The following PCSK4 variants were observed in gnomAD, a reference collection of about 807,000 sequenced individuals.
The protein encoded by PCSK4 is testicular tissue protein Li 135.
Under a neutral mutation model 80.3 loss-of-function variants are expected in PCSK4, and 64 were observed. That is an observed-to-expected ratio of 0.80 (90% CI 0.65 to 0.98). The LOEUF (loss-of-function observed/expected upper bound fraction) is 0.98. Among genes scored for constraint, PCSK4 ranks in the 50% least tolerant of loss-of-function variants. The pLI is 0.00. For missense variants in PCSK4, 1,213 were observed against 1,093.6 expected, an observed-to-expected ratio of 1.11 and a Z score of -1.54; for synonymous variants, 561 against 487.6, an observed-to-expected ratio of 1.15 and a Z score of -1.98.
intron 8 of PCSK4, among the ~76,000 whole-genome samples, chr19:1,486,385 C>G (rs1338068670): frequency 6.6e-6 from 1 of 151,828 alleles, no homozygotes; most frequent in Admixed American, 6.6e-5. Context: ...CAAACCCTGC[C>G]TCCCGGGTTC....
rs201425168 is a variant in PCSK4 at position 1,488,107 on chromosome 19, G to A, written c.388-15C>T. The A allele has an allele frequency of 6.4e-4, 1,036 of 1,612,614 alleles. No individual in the cohort carries two copies. The highest frequency in any genetic ancestry group is 8.3e-4 in the Non-Finnish European group (984 of 1,179,580). ...GCCTCGCTGTTCTGCAGGGGGAGGC[G>A]GGGTTGTGACCCTGTGAGGGCCTGG... is the stretch of plus-strand genomic sequence containing the variant. On this transcript the variant is annotated splice_polypyrimidine_tract_variant and intron_variant, in intron 3 of 14. Transcript: ENST00000300954.
exon 15 of PCSK4, chr19:1,482,113 A>T (rs1208665002): frequency 1.1e-5 from 17 of 1,553,136 alleles, no homozygotes; most frequent in Non-Finnish European, 1.5e-5. Context: ...CCGTGTGCCC[A>T]GGCCCAGCGG....
At position 1,483,647 on chromosome 19, in the gene PCSK4, C is replaced by A; in HGVS notation, c.1391+3G>T. On this transcript the variant is annotated splice_donor_region_variant and intron_variant, in intron 11 of 14. Coordinates refer to ENST00000300954, the Ensembl canonical transcript of PCSK4. ...ATAGCGGAGGGGCGCGCAGGGGTCTCACGTGGGGCGGCTCTGGACCCGGAC... is the reference window on the plus strand; with the variant it reads ...ATAGCGGAGGGGCGCGCAGGGGTCTAACGTGGGGCGGCTCTGGACCCGGAC... The A allele has an allele frequency of 1.3e-6, 2 of 1,582,442 alleles. No homozygotes were observed. Among genetic ancestry groups the A allele is most frequent in the Non-Finnish European group, 1.7e-6 (2 of 1,169,604 alleles).
At chr19:1,488,077 G>T in exon 4 of PCSK4, 1 of 1,613,186 alleles carries the variant, frequency 6.2e-7, no homozygotes, top group African/African-American at 1.3e-5. Flanking sequence ...CTCAGGTCTG[G>T]TTGGGCCTCG....
In PCSK4 at chr19:1,483,632, G is replaced by C. The variant is rs566119678; in HGVS notation, c.1391+18C>G. 1.9e-6 allele frequency: 3 copies of C among 1,552,744 alleles called. No homozygotes were observed. The highest frequency in any genetic ancestry group is 2.6e-6 in the Non-Finnish European group (3 of 1,148,750). ...ACACCCCCAGCGGGGATAGCGGAGG[G>C]GCGCGCAGGGGTCTCACGTGGGGCG... On this transcript the variant is annotated intron_variant, in intron 11 of 14. Transcript: ENST00000300954.
intron 12 of PCSK4, 110 bp from the exon 13 acceptor site, chr19:1,483,130 T>C (rs531923760): frequency 8.0e-7 from 1 of 1,252,252 alleles, no homozygotes; most frequent in Admixed American, 2.6e-5. Flanking sequence ...GCGTGTCCTC[T>C]GGGTGTGGGT....
At chr19:1,483,938 C>A in exon 10 of PCSK4, 2 of 1,350,720 alleles carry the variant, frequency 1.5e-6, no homozygotes, top group Admixed American at 3.0e-5. Context: ...ACGTCAGGAA[C>A]GGGCTGCGGG....
intron 12 of PCSK4, 93 bp downstream of exon 12, chr19:1,483,191 G>T: frequency 7.4e-7 from 1 of 1,344,640 alleles, no homozygotes; most frequent in Admixed American, 2.5e-5. Context: ...GACTCCTATG[G>T]GCCTGGCCCC....
exon 15 of PCSK4, chr19:1,482,185 G>T: frequency 6.5e-7 from 1 of 1,549,334 alleles, no homozygotes; most frequent in Non-Finnish European, 8.7e-7. Flanking sequence ...GCTGTCCCAG[G>T]ATGTAGGCGG....
At position 1,482,906 on chromosome 19, in the gene PCSK4, A is replaced by C. The variant is rs1347452218; in HGVS notation, c.1686T>G (p.Tyr562Ter). The C allele has an allele frequency of 6.2e-7, 1 of 1,613,550 alleles. No homozygotes were observed. The highest frequency in any genetic ancestry group is 8.5e-7 in the Non-Finnish European group (1 of 1,179,876). The change falls in exon 13 of 15, where the codon TAT (tyrosine) becomes TAG (stop). Residue 562 changes from tyrosine (Y) to a stop codon, truncating the protein, a stop_gained. Coordinates refer to ENST00000300954, the Ensembl canonical transcript of PCSK4. LOFTEE classifies it high-confidence loss of function. ...CCGCCCCGCCCTCACCCGTGTTGAA[A>C]TAGTAGCCCTTGTTCTCTAGGCCCA... is the stretch of plus-strand genomic sequence containing the variant.
At chr19:1,483,086 C>T in intron 12 of PCSK4, 66 bp from the exon 13 acceptor site, 3 of 1,434,204 alleles carry the variant, frequency 2.1e-6, no homozygotes, top group Non-Finnish European at 2.8e-6. Flanking sequence ...CCGGCAGAGC[C>T]CCATGAAGTG....
At chr19:1,481,865 C>T (rs1350182879) in exon 15 of PCSK4, 2 of 1,585,092 alleles carry the variant, frequency 1.3e-6, no homozygotes, top group Non-Finnish European at 8.6e-7. Context: ...GAGGACGGGG[C>T]CTCCGAGGGT....
chr19:1,487,150 A>G (rs1420319485), exon 7 of PCSK4: 1 of 1,605,408 alleles, frequency 6.2e-7, no homozygotes, highest in African/African-American at 1.3e-5. Context: ...CCTTGGTCAC[A>G]CCACGCCGGA....
Position 1,486,730 on chromosome 19 carries a change from C to A in PCSK4, c.1068+123G>T, listed in dbSNP as rs535767859. On this transcript the variant is annotated intron_variant, in intron 8 of 14. Coordinates refer to ENST00000300954, the Ensembl canonical transcript of PCSK4. The stretch of plus-strand genomic sequence containing the variant: ...TACAGGTGTGAGCCACCGTGCTCGG[C>A]CTGGATTTGCATTTTCAAAGCAGCT... The A allele has an allele frequency of 5.1e-4, 420 of 825,936 alleles. 3 individuals are homozygous for A. The African/African-American group carries it at 6.6e-3, about 13-fold the overall frequency. 51.2% of individuals were successfully genotyped at this position (825,936 alleles called of 1,614,324 possible). A position where few individuals can be genotyped will look rare whatever the true frequency, so the allele number is the denominator to read the frequency against.
exon 7 of PCSK4, chr19:1,487,237 G>T (rs938439164): frequency 6.2e-7 from 1 of 1,606,668 alleles, no homozygotes; most frequent in Non-Finnish European, 8.5e-7. Context: ...CGCTGTAAAT[G>T]TGGATGTGCT....
chr19:1,487,561 C>T (rs778940660), intron 6 of PCSK4, 42 bp downstream of exon 6: 18 of 1,489,558 alleles, frequency 1.2e-5, no homozygotes, highest in South Asian at 7.2e-5. Context: ...CACCCCCTTC[C>T]CTCTCTGTCC....
At chr19:1,487,141 C>G in exon 7 of PCSK4, 1 of 1,604,594 alleles carries the variant, frequency 6.2e-7, no homozygotes, top group Non-Finnish European at 8.5e-7. Context: ...TGCCACTCAC[C>G]TTGGTCACAC....
intron 14 of PCSK4, 50 bp from the exon 15 acceptor site, chr19:1,482,257 T>A: frequency 3.9e-6 from 6 of 1,525,510 alleles, no homozygotes; most frequent in Non-Finnish European, 5.3e-6. Flanking sequence ...ACCCGCAGCC[T>A]GTTACTCGCC....
At chr19:1,487,970 G>T (rs748919991) in exon 4 of PCSK4, 2 of 1,610,848 alleles carry the variant, frequency 1.2e-6, no homozygotes, top group South Asian at 2.2e-5. Flanking sequence ...TCACGTAGTT[G>T]GCCCAGAGGT....
Sources: gnomAD v4.1 joint callset for allele counts (sites outside exome capture counted in the v4.1 genomes callset) on GRCh38, gnomAD v4.1.1 for gene constraint, MANE v1.5 for transcripts, NCBI Gene and HGNC (gene_info 2026-07-23, HGNC 2026-07-21) for gene names.